The following DPYD variants were observed in gnomAD, a reference collection of about 807,000 sequenced individuals.
DPYD encodes the protein dihydropyrimidine dehydrogenase [NADP(+)].
In DPYD, 109 loss-of-function variants were observed where a neutral mutation model predicts 116.2. The ratio of observed to expected loss-of-function variants is 0.94; its 90% CI spans 0.80 to 1.10. The LOEUF (loss-of-function observed/expected upper bound fraction) is 1.10, where lower values mean the gene tolerates loss of function less well. Ranked by LOEUF, DPYD falls within the 50% of genes least tolerant of loss-of-function variation. The pLI, the probability that DPYD is intolerant of heterozygous loss-of-function variation, is 0.00. For missense variants in DPYD, 1,302 were observed against 1,254.5 expected (o/e 1.04, Z -0.57); for synonymous variants, 440 against 432.0 (o/e 1.02, Z -0.23).
chr1:97,450,489 ACACT>A (rs1676353867), intron 13 of DPYD, among the ~76,000 whole-genome samples: 1 of 152,160 alleles, frequency 6.6e-6, no homozygotes, highest in Non-Finnish European at 1.5e-5. Flanking sequence ...ATATTCATTA[ACACT>A]CATTTAGGGC....
intron 12 of DPYD, among the ~76,000 whole-genome samples, chr1:97,527,438 C>G (rs930564083): frequency 3.3e-5 from 5 of 152,046 alleles, no homozygotes; most frequent in Non-Finnish European, 5.9e-5. Flanking sequence ...AAACAAGAAA[C>G]TAACCTAAAA....
intron 4 of DPYD, among the ~76,000 whole-genome samples, chr1:97,739,153 T>C (rs1311336235): frequency 6.6e-6 from 1 of 152,152 alleles, no homozygotes; most frequent in African/African-American, 2.4e-5. Context: ...TATTAAAAAA[T>C]GTGATTTTAT....
chr1:97,847,605 T>A (rs183754277), intron 2 of DPYD, among the ~76,000 whole-genome samples: 1 of 152,172 alleles, frequency 6.6e-6, no homozygotes, highest in Non-Finnish European at 1.5e-5. Context: ...CTGATACTTA[T>A]TGACAATTAT....
chr1:97,620,375 CCACTATA>C (rs1656562866), intron 8 of DPYD, among the ~76,000 whole-genome samples: 2 of 152,050 alleles, frequency 1.3e-5, no homozygotes, highest in African/African-American at 4.8e-5. Flanking sequence ...CCACCACACT[CCACTATA>C]TATTTATTTA....
chr1:97,507,689 T>C (rs1459281624), intron 13 of DPYD, among the ~76,000 whole-genome samples: 2 of 151,970 alleles, frequency 1.3e-5, no homozygotes, highest in Admixed American at 6.6e-5. Context: ...TCTTTAGCAT[T>C]TACAGTCCTG....
intron 5 of DPYD, chr1:97,720,215 C>CA: frequency 1.0e-6 from 1 of 984,684 alleles, no homozygotes; most frequent in Non-Finnish European, 1.2e-6. Context: ...ATGACCAGAT[C>CA]AATTACTAAT....
chr1:97,819,640 T>A (rs1668816318), intron 3 of DPYD, among the ~76,000 whole-genome samples: 1 of 152,096 alleles, frequency 6.6e-6, no homozygotes, highest in South Asian at 2.1e-4. Context: ...AATGCCACTT[T>A]GATTTTTCCC....
chr1:97,315,978 C>T (rs975076417), intron 16 of DPYD, among the ~76,000 whole-genome samples: 15 of 152,086 alleles, frequency 9.9e-5, no homozygotes, highest in Admixed American at 8.5e-4. Context: ...TGGACACTTA[C>T]TTGATCTTTT....
chr1:97,083,942 T>C (rs1345605787), intron 21 of DPYD, among the ~76,000 whole-genome samples: 1 of 152,186 alleles, frequency 6.6e-6, no homozygotes. Flanking sequence ...ATCCTTTCCA[T>C]GTTTACTGCC....
At chr1:97,242,122 GTGTATA>G (rs1189119741) in intron 18 of DPYD, among the ~76,000 whole-genome samples, 4,439 of 71,506 alleles carry the variant, frequency 0.062, 839 homozygotes, top group African/African-American at 0.085. Flanking sequence ...GTGTGTGCGT[GTGTATA>G]TATATATATA....
In DPYD at chr1:97,887,469, T is replaced by TAAAAAAAAAAAAAAAAAAA. The variant is rs57316508; in HGVS notation, c.40-4114_40-4096dup. 5.9e-4 allele frequency among the ~76,000 whole-genome samples: 28 copies of TAAAAAAAAAAAAAAAAAAA among 47,138 alleles called. 3 individuals are homozygous for TAAAAAAAAAAAAAAAAAAA. Among genetic ancestry groups the TAAAAAAAAAAAAAAAAAAA allele is most frequent in the South Asian group, 9.8e-4 (1 of 1,016 alleles). 30.9% of individuals were successfully genotyped at this position (47,138 alleles called of 152,430 possible). A position where few individuals can be genotyped will look rare whatever the true frequency, so the allele number is the denominator to read the frequency against. ...TGGGTGACAAAGTGAGACTCTGCAT[T>TAAAAAAAAAAAAAAAAAAA]AAAAAAAAAAAAAAAAAAAAAAAAA... On this transcript the variant is annotated intron_variant, in intron 1 of 22. Transcript: ENST00000370192.
intron 18 of DPYD, among the ~76,000 whole-genome samples, chr1:97,287,997 C>G (rs1156246729): frequency 6.6e-6 from 1 of 150,382 alleles, no homozygotes; most frequent in African/African-American, 2.5e-5. Flanking sequence ...GAAGATCTAC[C>G]AAGCAAATGG....
intron 2 of DPYD, among the ~76,000 whole-genome samples, chr1:97,874,673 G>T (rs1007295854): frequency 1.3e-5 from 2 of 151,792 alleles, no homozygotes; most frequent in African/African-American, 4.8e-5. Context: ...TAGGACTATT[G>T]TTCATATACC....
intron 14 of DPYD, among the ~76,000 whole-genome samples, chr1:97,443,554 A>G (rs1675916614): frequency 6.6e-6 from 1 of 152,206 alleles, no homozygotes; most frequent in Non-Finnish European, 1.5e-5. Context: ...AAAATTTCAG[A>G]GGGAACAAAG....
intron 3 of DPYD, among the ~76,000 whole-genome samples, chr1:97,779,975 G>A (rs960184606): frequency 2.6e-5 from 4 of 152,124 alleles, no homozygotes; most frequent in African/African-American, 9.7e-5. Context: ...TTTATTGGGT[G>A]CCTAATATAT....
intron 2 of DPYD, chr1:97,854,909 A>C (rs1002757314): frequency 1.3e-5 from 2 of 152,282 alleles, no homozygotes; most frequent in Admixed American, 6.5e-5. Context: ...TGCAAATCCA[A>C]CGCAGTTTAT....
At chr1:97,737,510 G>T (rs918094930) in intron 4 of DPYD, among the ~76,000 whole-genome samples, 1 of 152,060 alleles carries the variant, frequency 6.6e-6, no homozygotes, top group Non-Finnish European at 1.5e-5. Flanking sequence ...AGGCACTGGG[G>T]AGTAACTACA....
chr1:97,557,975 T>C (rs998817606), intron 11 of DPYD, among the ~76,000 whole-genome samples: 13 of 152,126 alleles, frequency 8.5e-5, no homozygotes, highest in Admixed American at 4.6e-4. Flanking sequence ...ATCTCCAAAG[T>C]CCTGCTGCTT....
At chr1:97,819,758 T>C (rs1668822842) in intron 3 of DPYD, among the ~76,000 whole-genome samples, 2 of 152,016 alleles carry the variant, frequency 1.3e-5, no homozygotes, top group South Asian at 4.1e-4. Flanking sequence ...TTAAAAGAAT[T>C]CCATAAAATT....
Sources: allele counts gnomAD v4.1 joint callset (sites outside exome capture counted in the v4.1 genomes callset), GRCh38; gene constraint gnomAD v4.1.1; transcripts MANE v1.5; gene names NCBI Gene and HGNC (gene_info 2026-07-23, HGNC 2026-07-21).